ASXL1: variants seen among roughly 807,000 people sequenced by gnomAD.
The protein encoded by ASXL1 is polycomb group protein ASXL1.
Under a neutral mutation model 89.1 loss-of-function variants are expected in ASXL1, and 65 were observed. That is an observed-to-expected ratio of 0.73 (90% CI 0.60 to 0.90). The LOEUF is 0.90. ASXL1 is among the 40% of genes least tolerant of loss of function. The pLI, the probability that ASXL1 is intolerant of heterozygous loss-of-function variation, is 0.00. For synonymous variants in ASXL1, 739 were observed against 746.9 expected (o/e 0.99, Z 0.17); for missense variants, 1,786 against 1,942.9 (o/e 0.92, Z 1.52).
chr20:32,404,785 G>A (rs2048928376), intron 4 of ASXL1, among the ~76,000 whole-genome samples: 1 of 152,144 alleles, frequency 6.6e-6, no homozygotes. Flanking sequence ...TTTATAGATG[G>A]TCTTTATCAA....
At chr20:32,368,470 C>A (rs1053063806) in intron 3 of ASXL1, among the ~76,000 whole-genome samples, 2 of 152,134 alleles carry the variant, frequency 1.3e-5, no homozygotes, top group Non-Finnish European at 2.9e-5. Context: ...TCAATCTCCC[C>A]ACTTCCAGCA....
intron 4 of ASXL1, among the ~76,000 whole-genome samples, chr20:32,376,236 T>A (rs899938818): frequency 2.0e-5 from 3 of 151,232 alleles, no homozygotes; most frequent in Non-Finnish European, 4.4e-5. Flanking sequence ...TTTTATTTTA[T>A]TTTTATTTTA....
rs1308725408 is a variant in ASXL1, at chr20:32,433,599, A to G, written c.1401A>G (p.Pro467=). ...CAGGGCTGAGCAGTCCCCATCTGCC[A>G]GGCACATCCTCTGCAGCACCCGACC... ...DPAGLSSPHL[P]GTSSAAPDLE... is the part of the protein sequence containing the mutation. The change falls in exon 12 of 13, where the codon CCA becomes CCG. Residue 467 remains proline, a synonymous_variant. Coordinates refer to ENST00000375687, the MANE Select transcript of ASXL1 (RefSeq NM_015338.6). The G allele has an allele frequency of 3.7e-6, 6 of 1,614,068 alleles. No individual in the cohort carries two copies. The highest frequency in any genetic ancestry group is 1.1e-5 in the South Asian group (1 of 91,078).
chr20:32,429,799 T>C lies in ASXL1; in HGVS notation c.566-102T>C. On this transcript the variant is annotated intron_variant, in intron 7 of 12. Transcript: ENST00000375687. This position sits in a 1 kb window ranked among gnomAD's most constrained non-coding sequence, Gnocchi z 4.9. ...GCTGGGAGATGGAAGCATCCCAGTA[T>C]TGCTGGCAGCATCTCAGGGAGAGCT... is the stretch of plus-strand genomic sequence containing the variant. The C allele has an allele frequency of 6.8e-7, 1 of 1,464,688 alleles. No individual in the cohort carries two copies. Among genetic ancestry groups the C allele is most frequent in the Non-Finnish European group, 9.3e-7 (1 of 1,078,544 alleles). 90.7% of individuals were successfully genotyped at this position (1,464,688 alleles called of 1,614,324 possible).
chr20:32,436,769 A>G lies in ASXL1; in HGVS notation c.4057A>G (p.Arg1353Gly). 6.2e-7 allele frequency: 1 copy of G among 1,614,176 alleles called. No homozygotes were observed. Among genetic ancestry groups the G allele is most frequent in the East Asian group, 2.2e-5 (1 of 44,890 alleles). Reference sequence around the variant, plus strand: ...CATGTCTGGTGGGGTACAGACTCCAAGGGAAGACTGGGCTCCAAAGCCACA... The same window carrying G: ...CATGTCTGGTGGGGTACAGACTCCAGGGGAAGACTGGGCTCCAAAGCCACA... ...NSMSGGVQTP[R>G]EDWAPKPHAF... Residue 1353 changes from arginine to glycine, a missense_variant, in exon 13 of 13, where the codon AGG becomes GGG. Physicochemically the swap from Arg to Gly is moderately radical, Grantham distance 125. Transcript: ENST00000375687.
intron 4 of ASXL1, among the ~76,000 whole-genome samples, chr20:32,425,957 G>A (rs935952214): frequency 5.9e-5 from 9 of 152,172 alleles, no homozygotes; most frequent in African/African-American, 2.2e-4. Flanking sequence ...CATCCGCCTT[G>A]GCCTCCCAAA....
rs2145371542 is a variant in ASXL1 at position 32,435,401 on chromosome 20, C to T, written c.2689C>T (p.His897Tyr). Residue 897 changes from histidine (H) to tyrosine (Y), a missense_variant, in exon 13 of 13, where the codon CAT becomes TAT. Around this residue, in one of 3 missense-constraint regions of ASXL1, gnomAD observed 1,418 missense variants for 1,427.8 expected, o/e 0.99. Coordinates refer to ENST00000375687, the MANE Select transcript of ASXL1 (RefSeq NM_015338.6). ...GGCTCTCGTTTCTAACAGTTCTTTG[C>T]ATTGGATACCCATCCCATCGAATGA... ...TKALVSNSSL[H>Y]WIPIPSNDEV... 1 of 1,614,192 alleles carries T rather than the reference C, an allele frequency of 6.2e-7. No individual in the cohort carries two copies. Among genetic ancestry groups the T allele is most frequent in the African/African-American group, 1.3e-5 (1 of 75,052 alleles).
At chr20:32,399,614 C>T (rs1018095486) in intron 4 of ASXL1, among the ~76,000 whole-genome samples, 1 of 150,730 alleles carries the variant, frequency 6.6e-6, no homozygotes, top group Non-Finnish European at 1.5e-5. Context: ...CCATAGCTTA[C>T]TGATAGTTTT....
Position 32,429,696 on chromosome 20 carries a change from A to G in ASXL1, c.566-205A>G. 1.3e-6 allele frequency: 1 copy of G among 745,828 alleles called. No homozygotes were observed. The allele number at this position is 745,828 out of a possible 1,614,324, so 46.2% of individuals were successfully genotyped here. On this transcript the variant is annotated intron_variant, in intron 7 of 12. Transcript: ENST00000375687. The surrounding 1 kb of genome is among the most constrained non-coding windows in gnomAD (Gnocchi z 4.9). Reference sequence around the variant, plus strand: ...TTTGTAAAAGGTGTAGTGCTATACAAATAAAGATGGCAGTTTGGCACCTGT... The same window carrying G: ...TTTGTAAAAGGTGTAGTGCTATACAGATAAAGATGGCAGTTTGGCACCTGT...
intron 4 of ASXL1, among the ~76,000 whole-genome samples, chr20:32,386,190 A>G (rs910582788): frequency 1.5e-4 from 23 of 152,314 alleles, no homozygotes; most frequent in African/African-American, 5.3e-4. Context: ...TAGGTATTCA[A>G]TAAATGTTTG....
chr20:32,403,444 TCA>T (rs2048907948), intron 4 of ASXL1, among the ~76,000 whole-genome samples: 1 of 152,180 alleles, frequency 6.6e-6, no homozygotes, highest in African/African-American at 2.4e-5. Context: ...TGAGACAGCC[TCA>T]GTGTTTTGCC....
At chr20:32,361,863 C>T (rs902454523) in intron 1 of ASXL1, among the ~76,000 whole-genome samples, 8 of 151,686 alleles carry the variant, frequency 5.3e-5, no homozygotes, top group African/African-American at 1.7e-4. Flanking sequence ...GCCAGAAGTT[C>T]GAGACCAGCC....
At chr20:32,372,598 TTA>T (rs2048316062) in intron 4 of ASXL1, 2 of 218,596 alleles carry the variant, frequency 9.1e-6, no homozygotes, top group African/African-American at 2.3e-5. Context: ...TATTATTTAT[TTA>T]TTTTTTTTTT....
Position 32,439,001 on chromosome 20 carries a change from A to G in ASXL1, c.*1663A>G, listed in dbSNP as rs74800895. 3.5e-3 allele frequency: 821 copies of G among 233,590 alleles called. 8 individuals are homozygous for G. The highest frequency in any genetic ancestry group is 0.017 in the African/African-American group (789 of 45,442). 14.5% of individuals were successfully genotyped at this position (233,590 alleles called of 1,614,324 possible). On this transcript the variant is annotated 3_prime_UTR_variant, in exon 13 of 13. Coordinates refer to ENST00000375687, the MANE Select transcript of ASXL1 (RefSeq NM_015338.6). Reference sequence around the variant, plus strand: ...TAAAATTTGTATGACTTCAAGTCTCATTTTATCTGAAAGGTTTTTTTCTCA... The same window carrying G: ...TAAAATTTGTATGACTTCAAGTCTCGTTTTATCTGAAAGGTTTTTTTCTCA...
In ASXL1 at chr20:32,372,205, A is replaced by G. The variant is rs1300485799; in HGVS notation, c.252+3082A>G. ...CAGGCCCCTTCATCTTAATTTTAATATATCTTTGAATAAACACCATTGTAT... is the reference window on the plus strand; with the variant it reads ...CAGGCCCCTTCATCTTAATTTTAATGTATCTTTGAATAAACACCATTGTAT... On this transcript the variant is annotated intron_variant, in intron 4 of 12. Transcript: ENST00000375687. 4.5e-6 allele frequency: 6 copies of G among 1,344,500 alleles called. No homozygotes were observed. In the South Asian group the frequency reaches 5.2e-5, roughly 12 times the overall value. The allele number at this position is 1,344,500 out of a possible 1,614,324, so 83.3% of individuals were successfully genotyped here. A position where few individuals can be genotyped will look rare whatever the true frequency, so the allele number is the denominator to read the frequency against.
chr20:32,423,601 A>T (rs2011197241), intron 4 of ASXL1, among the ~76,000 whole-genome samples: 1 of 151,970 alleles, frequency 6.6e-6, no homozygotes, highest in Non-Finnish European at 1.5e-5. Context: ...CCCAGGCTGG[A>T]GTGCAATGGC....
At chr20:32,410,441 C>T (rs2049024071) in intron 4 of ASXL1, among the ~76,000 whole-genome samples, 1 of 152,008 alleles carries the variant, frequency 6.6e-6, no homozygotes, top group African/African-American at 2.4e-5. Context: ...GTGCCCAGCC[C>T]CCCAAGTTTA....
intron 4 of ASXL1, among the ~76,000 whole-genome samples, chr20:32,418,855 C>T (rs1003555507): frequency 1.2e-5 from 1 of 80,588 alleles, no homozygotes; most frequent in Non-Finnish European, 2.2e-5. Flanking sequence ...TTTTTTGAGA[C>T]GGAGTCTTGC....
intron 4 of ASXL1, among the ~76,000 whole-genome samples, chr20:32,424,308 G>A (rs972626939): frequency 2.6e-5 from 4 of 152,314 alleles, no homozygotes; most frequent in African/African-American, 9.6e-5. Context: ...GCTGAGGTGG[G>A]TGGATCACCT....
Sources: allele counts gnomAD v4.1 joint callset (sites outside exome capture counted in the v4.1 genomes callset), GRCh38; gene constraint gnomAD v4.1.1; regional missense constraint gnomAD v4.1.1; non-coding constraint Gnocchi (gnomAD v3.1); transcripts MANE v1.5; gene names NCBI Gene and HGNC (gene_info 2026-07-23, HGNC 2026-07-21).